The following BMP1 variants were observed in gnomAD, a reference collection of about 807,000 sequenced individuals.
BMP1 encodes the protein mammalian tolloid protein.
In BMP1, 63 loss-of-function variants were observed where a neutral mutation model predicts 116.8. That is an observed-to-expected ratio of 0.54 (90% CI 0.44 to 0.67). The LOEUF (loss-of-function observed/expected upper bound fraction) is 0.67, where lower values mean the gene tolerates loss of function less well. Among genes scored for constraint, BMP1 ranks in the 30% least tolerant of loss-of-function variants. BMP1 has a pLI of 0.00. For missense variants in BMP1, 1,183 were observed against 1,358.9 expected, an observed-to-expected ratio of 0.87 and a Z score of 2.04; for synonymous variants, 536 against 533.4, an observed-to-expected ratio of 1.00 and a Z score of -0.07.
chr8:22,196,130 T>G, intron 13 of BMP1: 1 of 504,206 alleles, frequency 2.0e-6, no homozygotes, highest in African/African-American at 1.9e-5. Flanking sequence ...TTTTCGGGTT[T>G]TTTTTGTAAA....
At chr8:22,191,938 C>G (rs1006229353) in intron 8 of BMP1, 111 bp from the exon 9 acceptor site, 1 of 934,148 alleles carries the variant, frequency 1.1e-6, no homozygotes, top group African/African-American at 1.6e-5. Context: ...CCTTAACTCT[C>G]GCCCAGGGGG....
At chr8:22,176,737 C>A in intron 4 of BMP1, 87 bp downstream of exon 4, 1 of 1,439,732 alleles carries the variant, frequency 6.9e-7, no homozygotes, top group Non-Finnish European at 9.7e-7. Flanking sequence ...CCCAGCTGGG[C>A]ACAGCCTTGG....
rs781010518 is a variant in BMP1, at chr8:22,177,942, G to A, written c.821G>A (p.Arg274Gln). 4.3e-6 allele frequency: 7 copies of A among 1,611,316 alleles called. No homozygotes were observed. The highest frequency in any genetic ancestry group is 1.7e-5 in the Admixed American group (1 of 59,926). The stretch of plus-strand genomic sequence containing the variant: ...TTCGACAGCATCATGCATTACGCTC[G>A]GAACACATTCTCCAGGTGGGAGACG... Reference protein sequence around the residue: ...YDFDSIMHYARNTFSRGIFLD... With the variant: ...YDFDSIMHYAQNTFSRGIFLD... Residue 274 changes from arginine (R) to glutamine (Q), a missense_variant, in exon 6 of 20, where the codon CGG (arginine) becomes CAG (glutamine). Transcript: ENST00000306385.
chr8:22,182,834 T>A (rs1432860436), intron 8 of BMP1, among the ~76,000 whole-genome samples: 27 of 152,334 alleles, frequency 1.8e-4, no homozygotes, highest in Non-Finnish European at 2.9e-5. Context: ...AGATTACACA[T>A]GCTAATCACA....
At chr8:22,197,129 C>T (rs569885473) in intron 14 of BMP1, 111 bp from the exon 15 acceptor site, 12 of 1,372,988 alleles carry the variant, frequency 8.7e-6, no homozygotes, top group South Asian at 2.7e-5. Flanking sequence ...AGTGAGGGGG[C>T]GTAGCTAAGT....
At chr8:22,175,411 C>T (rs1004872753) in intron 2 of BMP1, among the ~76,000 whole-genome samples, 8 of 152,086 alleles carry the variant, frequency 5.3e-5, no homozygotes, top group Admixed American at 2.6e-4. Context: ...TTCTCTTTTA[C>T]GATTATTGTC....
At chr8:22,207,572 G>C in intron 18 of BMP1, 56 bp downstream of exon 18, 1 of 1,586,544 alleles carries the variant, frequency 6.3e-7, no homozygotes, top group Non-Finnish European at 8.6e-7. Context: ...GACTGGGGTA[G>C]AGTCGGGGGT....
chr8:22,178,365 C>A (rs746883211), intron 6 of BMP1, among the ~76,000 whole-genome samples: 27 of 152,244 alleles, frequency 1.8e-4, no homozygotes, highest in Non-Finnish European at 3.4e-4. Context: ...TCATGGCTCA[C>A]TGCAGCCTCA....
intron 1 of BMP1, among the ~76,000 whole-genome samples, chr8:22,168,643 C>T (rs1024933338): frequency 6.6e-6 from 1 of 152,244 alleles, no homozygotes; most frequent in East Asian, 1.9e-4. Context: ...AAGGTTTGGA[C>T]ATCAGAGAGC....
At chr8:22,206,173 C>G (rs1304353248) in intron 16 of BMP1, among the ~76,000 whole-genome samples, 1 of 152,042 alleles carries the variant, frequency 6.6e-6, no homozygotes, top group Admixed American at 6.6e-5. Context: ...TCGAGACCAG[C>G]CTGGCCAACA....
intron 16 of BMP1, among the ~76,000 whole-genome samples, chr8:22,204,638 G>A (rs997750461): frequency 2.6e-5 from 4 of 152,136 alleles, no homozygotes; most frequent in South Asian, 2.1e-4. Context: ...CACAAGAATC[G>A]CTTGAACCTG....
intron 6 of BMP1, among the ~76,000 whole-genome samples, chr8:22,178,565 CA>C (rs143389954): frequency 0.14 from 21,106 of 152,090 alleles, 2,422 homozygotes; most frequent in African/African-American, 0.31. Context: ...CGCGAGCCAC[CA>C]ATGCCCAGCC....
intron 19 of BMP1, among the ~76,000 whole-genome samples, chr8:22,211,134 G>A (rs942152870): frequency 6.6e-6 from 1 of 152,234 alleles, no homozygotes; most frequent in African/African-American, 2.4e-5. Context: ...CACTCCAGCA[G>A]AGAAGTGGCT....
At chr8:22,169,681 A>G (rs1178313814) in intron 1 of BMP1, 1 of 152,234 alleles carries the variant, frequency 6.6e-6, no homozygotes, top group Non-Finnish European at 1.5e-5. Flanking sequence ...GTGCAGTGGG[A>G]CATGCATCAG....
intron 15 of BMP1, chr8:22,199,255 G>A (rs1334095876): frequency 2.2e-6 from 3 of 1,367,522 alleles, no homozygotes; most frequent in South Asian, 1.1e-5. Flanking sequence ...TCTGACTCTG[G>A]CCCCCCAGGA....
rs752453698 is a variant in BMP1, at chr8:22,176,335, C to T, written c.433+22C>T. The T allele has an allele frequency of 5.7e-6, 9 of 1,576,474 alleles. No homozygotes were observed. In the Admixed American group the frequency reaches 1.4e-4, roughly 25 times the overall value. ...ACTGGTGAGCGTGCTATTGTGGGTCCCAGAGTGTAACCAGCTTCCGGGCCT... is the reference window on the plus strand; with the variant it reads ...ACTGGTGAGCGTGCTATTGTGGGTCTCAGAGTGTAACCAGCTTCCGGGCCT... On this transcript the variant is annotated intron_variant, in intron 3 of 19. Coordinates refer to ENST00000306385, the MANE Select transcript of BMP1 (RefSeq NM_006129.5).
intron 8 of BMP1, among the ~76,000 whole-genome samples, chr8:22,184,070 C>T (rs953513442): frequency 3.9e-5 from 6 of 152,242 alleles, no homozygotes; most frequent in Non-Finnish European, 8.8e-5. Context: ...TAAAGCCCTG[C>T]TGCATTTCAA....
At chr8:22,175,682 C>T (rs1300975161) in intron 2 of BMP1, among the ~76,000 whole-genome samples, 3 of 152,130 alleles carry the variant, frequency 2.0e-5, no homozygotes, top group Admixed American at 6.5e-5. Context: ...ACTCATGCCT[C>T]GAAGAAGCTT....
Position 22,165,554 on chromosome 8 carries a change from G to C in BMP1, c.148+1G>C. 1 of 1,578,676 alleles carries C rather than the reference G, an allele frequency of 6.3e-7. No homozygotes were observed. Among genetic ancestry groups the C allele is most frequent in the South Asian group, 1.1e-5 (1 of 87,112 alleles). ...AACTACAAAGACCCCTGCAAGGCGG[G>C]TGAGCGCCCCCCGGCCCCCCGGCGA... On this transcript the variant is annotated splice_donor_variant, in intron 1 of 19. Transcript: ENST00000306385. LOFTEE classifies it high-confidence loss of function.
Sources: gnomAD v4.1 joint callset for allele counts (sites outside exome capture counted in the v4.1 genomes callset) on GRCh38, gnomAD v4.1.1 for gene constraint, MANE v1.5 for transcripts, NCBI Gene and HGNC (gene_info 2026-07-23, HGNC 2026-07-21) for gene names.